The following FXYD5 variants were observed in gnomAD, a reference collection of about 807,000 sequenced individuals.
FXYD5 encodes the protein FXYD domain containing ion transport regulator 5.
FXYD5 carries 21 observed loss-of-function variants against 25.7 expected under a neutral mutation model. The observed-to-expected ratio is 0.82, with a 90% CI of 0.58 to 1.18. The LOEUF is 1.18. FXYD5 is among the 50% of genes most tolerant of loss of function. The pLI is 0.00. For missense variants in FXYD5, 229 were observed against 227.7 expected, an observed-to-expected ratio of 1.01 and a Z score of -0.04; for synonymous variants, 101 against 90.7, an observed-to-expected ratio of 1.11 and a Z score of -0.64.
intron 4 of FXYD5, chr19:35,159,827 G>A (rs780733735): frequency 2.7e-5 from 18 of 657,096 alleles, no homozygotes; most frequent in South Asian, 4.4e-5. Flanking sequence ...AGCTGGAATC[G>A]AAGTCCAGGA....
intron 8 of FXYD5, among the ~76,000 whole-genome samples, chr19:35,169,344 T>C (rs933724251): frequency 2.0e-5 from 3 of 152,086 alleles, no homozygotes; most frequent in Admixed American, 6.5e-5. Context: ...TACAAAATAA[T>C]GGGAGTTTCC....
At position 35,155,463 on chromosome 19, in the gene FXYD5, C is replaced by A. The variant is rs1281069834; in HGVS notation, c.1-88C>A. On this transcript the variant is annotated intron_variant, in intron 1 of 8. Transcript: ENST00000392219. Reference sequence around the variant, plus strand: ...GGAAGCCAGAGGTTTTTGCTCAGGGCAGGGAAAGGGCTGCAGGATCCCCGG... The same window carrying A: ...GGAAGCCAGAGGTTTTTGCTCAGGGAAGGGAAAGGGCTGCAGGATCCCCGG... 18 of 1,091,420 alleles carry A rather than the reference C, an allele frequency of 1.6e-5. No homozygotes were observed. The African/African-American group carries it at 2.1e-4, about 13-fold the overall frequency. 67.6% of individuals were successfully genotyped at this position (1,091,420 alleles called of 1,614,324 possible). A position where few individuals can be genotyped will look rare whatever the true frequency, so the allele number is the denominator to read the frequency against.
Position 35,169,880 on chromosome 19 carries a change from G to C in FXYD5, c.*265G>C. 1 of 457,838 alleles carries C rather than the reference G, an allele frequency of 2.2e-6. No individual in the cohort carries two copies. The highest frequency in any genetic ancestry group is 2.5e-5 in the South Asian group (1 of 39,626). 28.4% of individuals were successfully genotyped at this position (457,838 alleles called of 1,614,324 possible). ...CAAAAAGTAAAGCACTGTGGTCTTT[G>C]CCCCAGGATCTCTGATCATTTGGGA... On this transcript the variant is annotated 3_prime_UTR_variant, in exon 9 of 9. Transcript: ENST00000392219.
intron 6 of FXYD5, 93 bp from the exon 7 acceptor site, chr19:35,166,049 A>T: frequency 1.7e-6 from 2 of 1,168,484 alleles, no homozygotes; most frequent in Non-Finnish European, 2.6e-6. Flanking sequence ...TTCTAAGGGT[A>T]CCCAGGTATC....
intron 6 of FXYD5, among the ~76,000 whole-genome samples, chr19:35,164,455 A>C (rs2065433803): frequency 6.6e-6 from 1 of 152,218 alleles, no homozygotes; most frequent in Admixed American, 6.5e-5. Context: ...AACCACCTAA[A>C]AACTCAGTGG....
chr19:35,162,719 A>G (rs541458109), intron 5 of FXYD5, among the ~76,000 whole-genome samples: 2 of 152,298 alleles, frequency 1.3e-5, no homozygotes, highest in African/African-American at 2.4e-5. Context: ...AATTCAGTCT[A>G]TAGTACCTAG....
At chr19:35,155,236 C>T (rs2065341853) in intron 1 of FXYD5, 1 of 447,634 alleles carries the variant, frequency 2.2e-6, no homozygotes, top group South Asian at 2.5e-5. Flanking sequence ...GGATAAGCGC[C>T]TGGCGGAAGG....
intron 5 of FXYD5, among the ~76,000 whole-genome samples, chr19:35,161,248 A>ACACAC (rs61309039): frequency 7.0e-6 from 1 of 142,850 alleles, no homozygotes; most frequent in African/African-American, 2.7e-5. Context: ...ACACACACAC[A>ACACAC]AAAGAATGAT....
At position 35,166,169 on chromosome 19, in the gene FXYD5, A is replaced by C. The variant is rs780511480; in HGVS notation, c.410A>C (p.Tyr137Ser). The C allele has an allele frequency of 1.9e-6, 3 of 1,613,758 alleles. No homozygotes were observed. The East Asian group carries it at 6.7e-5, about 36-fold the overall frequency. ...TTTCATGAGGATGACCCCTTCTTCTATGGTAAGTTATCCACAGGAAGATGT... is the reference window on the plus strand; with the variant it reads ...TTTCATGAGGATGACCCCTTCTTCTCTGGTAAGTTATCCACAGGAAGATGT... Reference protein sequence around the residue: ...SGFHEDDPFFYDEHTLRKRGL... With the variant: ...SGFHEDDPFFSDEHTLRKRGL... Residue 137 changes from tyrosine (Y) to serine (S), a missense_variant and splice_region_variant, in exon 7 of 9, where the codon TAT becomes TCT. Physicochemically the swap from Tyr to Ser is moderately radical, Grantham distance 144. Transcript: ENST00000392219.
intron 3 of FXYD5, 26 bp from the exon 4 acceptor site, chr19:35,158,318 C>T (rs368055160): frequency 1.0e-5 from 16 of 1,542,356 alleles, no homozygotes; most frequent in South Asian, 2.2e-5. Flanking sequence ...CTTTTCTCTC[C>T]GTGACTCCTT....
Position 35,155,556 on chromosome 19 carries a change from G to T in FXYD5, c.6G>T (p.Ser2=). The change falls in exon 2 of 9, where the codon TCG becomes TCT. Residue 2 remains serine (S), a synonymous_variant. Coordinates refer to ENST00000392219, the MANE Select transcript of FXYD5 (RefSeq NM_014164.6). ...AGCATCGCCTGGTCCCACAGATGTC[G>T]CCCTCTGGTCGCCTGTGTCTTCTCA... The part of the protein sequence containing the change: M[S]PSGRLCLLTI... 2 of 1,609,866 alleles carry T rather than the reference G, an allele frequency of 1.2e-6. No individual in the cohort carries two copies. The highest frequency in any genetic ancestry group is 8.5e-7 in the Non-Finnish European group (1 of 1,179,554).
At chr19:35,157,380 G>A (rs756130593) in intron 2 of FXYD5, 41 bp from the exon 3 acceptor site, 1 of 1,084,380 alleles carries the variant, frequency 9.2e-7, no homozygotes, top group Non-Finnish European at 1.4e-6. Context: ...GAGAGGAGGG[G>A]GACCAGGCTC....
chr19:35,164,151 C>T lies in FXYD5; in HGVS notation c.293-5C>T, dbSNP rs746446640. On this transcript the variant is annotated splice_polypyrimidine_tract_variant and splice_region_variant and intron_variant, in intron 5 of 8. Coordinates refer to ENST00000392219, the MANE Select transcript of FXYD5 (RefSeq NM_014164.6). Reference sequence around the variant, plus strand: ...TGCCCTCCACTGATCTGGCCACTCTCTCAGCTCATCCCACTGATGACACCA... The same window carrying T: ...TGCCCTCCACTGATCTGGCCACTCTTTCAGCTCATCCCACTGATGACACCA... 6.2e-7 allele frequency: 1 copy of T among 1,613,418 alleles called. No individual in the cohort carries two copies. The highest frequency in any genetic ancestry group is 2.2e-5 in the East Asian group (1 of 44,802).
intron 6 of FXYD5, 75 bp downstream of exon 6, chr19:35,164,320 C>T (rs1568415156): frequency 7.0e-7 from 1 of 1,425,738 alleles, no homozygotes; most frequent in African/African-American, 1.4e-5. Context: ...TGGAGTACAG[C>T]CCAGCACAGA....
At chr19:35,163,405 ATTTT>A (rs112084586) in intron 5 of FXYD5, among the ~76,000 whole-genome samples, 1 of 140,342 alleles carries the variant, frequency 7.1e-6, no homozygotes, top group African/African-American at 2.6e-5. Flanking sequence ...GGAGGTACTG[ATTTT>A]TTTTTTTTTT....
chr19:35,158,239 A>G (rs1600501590), intron 3 of FXYD5, 105 bp from the exon 4 acceptor site: 4 of 770,424 alleles, frequency 5.2e-6, no homozygotes, highest in Non-Finnish European at 9.5e-6. Context: ...CTATTACATT[A>G]AAGTTGAGTT....
At chr19:35,159,756 C>T in intron 4 of FXYD5, 1 of 1,294,184 alleles carries the variant, frequency 7.7e-7, no homozygotes, top group Middle Eastern at 2.0e-4. Flanking sequence ...CCCCATTTTA[C>T]AGACAAGGAA....
intron 1 of FXYD5, 168 bp downstream of exon 1, chr19:35,154,977 C>T (rs548648170): frequency 1.5e-4 from 24 of 162,596 alleles, no homozygotes; most frequent in South Asian, 3.1e-4. Context: ...CGCTCCCGCC[C>T]GCCTGCCTCA....
intron 3 of FXYD5, 43 bp downstream of exon 3, chr19:35,157,544 TAAC>T: frequency 1.0e-6 from 1 of 981,306 alleles, no homozygotes. Context: ...TCATTGCAAA[TAAC>T]AACAGCAACA....
Sources: allele counts gnomAD v4.1 joint callset (sites outside exome capture counted in the v4.1 genomes callset), GRCh38; gene constraint gnomAD v4.1.1; transcripts MANE v1.5; gene names NCBI Gene and HGNC (gene_info 2026-07-23, HGNC 2026-07-21).